The following CSMD2 variants were observed in gnomAD, a reference collection of about 807,000 sequenced individuals.
CSMD2 encodes CUB and Sushi multiple domains 2, also known as CUB and sushi domain-containing protein 2.
In CSMD2, 130 loss-of-function variants were observed where a neutral mutation model predicts 398.5. The observed-to-expected ratio is 0.33, with a 90% confidence interval of 0.28 to 0.38. The LOEUF is 0.38. Ranked by LOEUF, CSMD2 falls within the 10% of genes least tolerant of loss-of-function variation. CSMD2 has a pLI of 1.00. For missense variants in CSMD2, 3,829 were observed against 4,764.9 expected (o/e 0.80, Z 5.78); for synonymous variants, 1,828 against 1,908.5 (o/e 0.96, Z 1.10).
intron 3 of CSMD2, among the ~76,000 whole-genome samples, chr1:33,994,427 C>T (rs568773): frequency 0.12 from 18,435 of 152,076 alleles, 1,865 homozygotes; most frequent in East Asian, 0.42. Flanking sequence ...CCCAATCCCA[C>T]GCTCACAGCA....
chr1:34,096,564 C>G (rs1254888670), intron 1 of CSMD2, among the ~76,000 whole-genome samples: 3 of 139,966 alleles, frequency 2.1e-5, no homozygotes, highest in Non-Finnish European at 4.6e-5. Flanking sequence ...TCAGCAAAGT[C>G]TCAGGATACA....
chr1:33,864,589 C>T, intron 5 of CSMD2: 1 of 1,614,034 alleles, frequency 6.2e-7, no homozygotes, highest in Non-Finnish European at 8.5e-7. Flanking sequence ...ATGTGGTCAA[C>T]AGCGACAGAC....
Position 33,830,837 on chromosome 1 carries a change from C to T in CSMD2, c.1034-5063G>A, listed in dbSNP as rs547264112. Among the ~76,000 whole-genome samples the T allele has an allele frequency of 4.0e-3, 611 of 152,298 alleles. 3 individuals carry two copies. Among genetic ancestry groups the T allele is most frequent in the South Asian group, 0.02 (94 of 4,814 alleles). ...TTAAAGGAGCTGATGGAGCTGAAAG[C>T]CAAGGCTCGAGAACTACGTGAAGAG... is the stretch of plus-strand genomic sequence containing the variant. On this transcript the variant is annotated intron_variant, in intron 6 of 70. Transcript: ENST00000373381.
chr1:34,115,465 G>T (rs949089421), intron 1 of CSMD2, among the ~76,000 whole-genome samples: 2 of 152,022 alleles, frequency 1.3e-5, no homozygotes, highest in Admixed American at 1.3e-4. Flanking sequence ...AAAGGAAAAA[G>T]AAACCATGCC....
chr1:33,601,016 C>T lies in CSMD2; in HGVS notation c.6711-6G>A. ...CTGTTTGCTGTGGCCCATCCCTGTA[C>T]ACAGGAAACAAGGTCCTGGCATGTC... On this transcript the variant is annotated splice_polypyrimidine_tract_variant and splice_region_variant and intron_variant, in intron 43 of 70. Coordinates refer to ENST00000373381, the MANE Select transcript of CSMD2 (RefSeq NM_001281956.2). 1.2e-6 allele frequency: 2 copies of T among 1,614,086 alleles called. No homozygotes were observed. Among genetic ancestry groups the T allele is most frequent in the South Asian group, 1.1e-5 (1 of 91,064 alleles).
intron 37 of CSMD2, 97 bp downstream of exon 37, chr1:33,622,070 C>T: frequency 6.7e-6 from 6 of 900,122 alleles, no homozygotes; most frequent in Non-Finnish European, 1.1e-5. Context: ...GTGGGATGGA[C>T]AATATGCAGC....
At chr1:33,539,046 C>T (rs1656074445) in intron 60 of CSMD2, among the ~76,000 whole-genome samples, 1 of 152,088 alleles carries the variant, frequency 6.6e-6, no homozygotes, top group Admixed American at 6.6e-5. Context: ...TGGCTCACTG[C>T]AAGCTCCGCC....
At chr1:34,158,301 A>C (rs1044041135) in intron 1 of CSMD2, among the ~76,000 whole-genome samples, 4 of 152,206 alleles carry the variant, frequency 2.6e-5, no homozygotes, top group Non-Finnish European at 4.4e-5. Context: ...AAGACTCTGA[A>C]ATAATCCTCT....
chr1:33,658,279 T>G, intron 26 of CSMD2, 142 bp from the exon 27 acceptor site: 81 of 633,148 alleles, frequency 1.3e-4, no homozygotes, highest in Non-Finnish European at 2.2e-4. Flanking sequence ...TCATCAGCTG[T>G]AGCCACAGTG....
intron 1 of CSMD2, among the ~76,000 whole-genome samples, chr1:34,102,184 C>T (rs1337599539): frequency 6.6e-6 from 1 of 152,116 alleles, no homozygotes; most frequent in African/African-American, 2.4e-5. Context: ...GTGCCCGCCA[C>T]CACGCCCGGC....
At chr1:33,755,821 A>T (rs1569750863) in intron 13 of CSMD2, among the ~76,000 whole-genome samples, 2 of 146,196 alleles carry the variant, frequency 1.4e-5, no homozygotes, top group East Asian at 4.0e-4. Context: ...AATTATTTTT[A>T]TTTTTTTTTA....
At chr1:33,767,273 T>C (rs1042605052) in intron 13 of CSMD2, among the ~76,000 whole-genome samples, 15 of 152,196 alleles carry the variant, frequency 9.9e-5, no homozygotes, top group African/African-American at 3.1e-4. Context: ...TGGGTAAGAA[T>C]AAAAAAAGAC....
In CSMD2 at chr1:33,726,582, G is replaced by A. The variant is rs767285529; in HGVS notation, c.2472C>T (p.Ala824=). 28 of 1,612,890 alleles carry A rather than the reference G, an allele frequency of 1.7e-5. 2 individuals are homozygous for A. The South Asian group carries it at 3.1e-4, about 18-fold the overall frequency. ...DALSCAWVIE[A]QPGYPIKITF... Reference sequence around the variant, plus strand: ...TGATTTTGATGGGGTAGCCTGGCTGGGCCTCAATCACCCAGGCACAGCTCA... The same window carrying A: ...TGATTTTGATGGGGTAGCCTGGCTGAGCCTCAATCACCCAGGCACAGCTCA... The change falls in exon 16 of 71, where the codon GCC becomes GCT. Residue 824 remains alanine (A), a synonymous_variant. Coordinates refer to ENST00000373381, the MANE Select transcript of CSMD2 (RefSeq NM_001281956.2).
At chr1:33,878,391 C>T (rs79949632) in intron 5 of CSMD2, 2,012 of 152,362 alleles carry the variant, frequency 0.013, 56 homozygotes, top group East Asian at 0.074. Context: ...CAGACACCCC[C>T]GCTGCTTTTA....
chr1:33,827,743 A>G (rs1194157293), intron 6 of CSMD2, among the ~76,000 whole-genome samples: 3 of 152,130 alleles, frequency 2.0e-5, no homozygotes, highest in Non-Finnish European at 4.4e-5. Flanking sequence ...TATTATACCT[A>G]CTCAATAGAT....
chr1:33,622,994 G>C (rs1641870627), intron 36 of CSMD2, among the ~76,000 whole-genome samples: 1 of 152,220 alleles, frequency 6.6e-6, no homozygotes, highest in East Asian at 1.9e-4. Flanking sequence ...GTGACTGGGG[G>C]AACTTTGAAA....
At chr1:33,764,451 C>T (rs900755447) in intron 13 of CSMD2, among the ~76,000 whole-genome samples, 1 of 152,156 alleles carries the variant, frequency 6.6e-6, no homozygotes, top group Non-Finnish European at 1.5e-5. Flanking sequence ...AGCGGGCACC[C>T]CCTGCTCTGC....
chr1:33,610,140 T>G (rs1640896762), intron 41 of CSMD2, among the ~76,000 whole-genome samples: 1 of 152,178 alleles, frequency 6.6e-6, no homozygotes, highest in Non-Finnish European at 1.5e-5. Context: ...AAATTTCTGC[T>G]GTTTGTAAGG....
intron 3 of CSMD2, among the ~76,000 whole-genome samples, chr1:33,952,832 G>A (rs1320685132): frequency 6.6e-6 from 1 of 152,156 alleles, no homozygotes; most frequent in Non-Finnish European, 1.5e-5. Flanking sequence ...TTGAATCAAC[G>A]ACTCTATGAA....
Sources: allele counts gnomAD v4.1 joint callset (sites outside exome capture counted in the v4.1 genomes callset), GRCh38; gene constraint gnomAD v4.1.1; transcripts MANE v1.5; gene names NCBI Gene and HGNC (gene_info 2026-07-23, HGNC 2026-07-21).